PIAS2: variants seen among roughly 807,000 people sequenced by gnomAD.
PIAS2 encodes protein inhibitor of activated STAT 2, also known as E3 SUMO-protein ligase PIAS2.
Under a neutral mutation model 69.7 loss-of-function variants are expected in PIAS2, and 19 were observed. The ratio of observed to expected loss-of-function variants is 0.27; its 90% CI spans 0.19 to 0.40. The LOEUF is 0.40. Ranked by LOEUF, PIAS2 falls within the 10% of genes least tolerant of loss-of-function variation. The pLI is 1.00. For synonymous variants in PIAS2, 261 were observed against 263.2 expected (o/e 0.99, Z 0.08); for missense variants, 624 against 757.0 (o/e 0.82, Z 2.06).
chr18:46,900,510 A>G (rs1377963349), intron 1 of PIAS2, among the ~76,000 whole-genome samples: 1 of 151,962 alleles, frequency 6.6e-6, no homozygotes, highest in East Asian at 1.9e-4. Context: ...TCTACCAAAA[A>G]AAAAAAATTG....
chr18:46,910,328 TA>T (rs2057117869), intron 1 of PIAS2, among the ~76,000 whole-genome samples: 1 of 152,316 alleles, frequency 6.6e-6, no homozygotes, highest in Non-Finnish European at 1.5e-5. Flanking sequence ...AAAGTTACAC[TA>T]ATGAATTAGT....
chr18:46,902,278 C>T (rs1237127610), intron 1 of PIAS2, among the ~76,000 whole-genome samples: 3 of 151,636 alleles, frequency 2.0e-5, no homozygotes, highest in African/African-American at 7.3e-5. Context: ...ATCTAAAGGC[C>T]GGGCACGATG....
upstream of PIAS2, among the ~76,000 whole-genome samples, chr18:46,919,806 A>G (rs1418548092): frequency 6.6e-6 from 1 of 152,184 alleles, no homozygotes; most frequent in African/African-American, 2.4e-5. Context: ...CTGTCTCTCC[A>G]CCATTAACTT....
At chr18:46,897,756 G>A (rs1294146457) in intron 1 of PIAS2, among the ~76,000 whole-genome samples, 1 of 152,108 alleles carries the variant, frequency 6.6e-6, no homozygotes, top group East Asian at 1.9e-4. Flanking sequence ...GAAAGCAATA[G>A]CTAATATACT....
Position 46,810,819 on chromosome 18 carries a change from T to C in PIAS2, c.*1614A>G, listed in dbSNP as rs2040950765. The C allele has an allele frequency of 1.3e-5, 2 of 151,586 alleles. 1 individual carries two copies. The highest frequency in any genetic ancestry group is 4.2e-4 in the South Asian group (2 of 4,800). 9.4% of individuals were successfully genotyped at this position (151,586 alleles called of 1,614,324 possible). On this transcript the variant is annotated 3_prime_UTR_variant, in exon 14 of 14. Transcript: ENST00000585916. ...ACTCTTAAGTAGGATGTCCCTATTC[T>C]AACGGAAATTGATGAGTCCACACCT...
chr18:46,891,107 A>AT (rs1246810730), intron 1 of PIAS2, 53 bp from the exon 2 acceptor site: 2 of 1,258,180 alleles, frequency 1.6e-6, no homozygotes, highest in Non-Finnish European at 2.2e-6. Flanking sequence ...GCATACAAAA[A>AT]TCCTATCTAA....
At chr18:46,849,910 A>C (rs1023347389) in intron 5 of PIAS2, among the ~76,000 whole-genome samples, 4 of 152,090 alleles carry the variant, frequency 2.6e-5, no homozygotes, top group Non-Finnish European at 5.9e-5. Context: ...TTTAAACTCA[A>C]ATTCTAGACA....
intron 5 of PIAS2, chr18:46,853,035 G>A (rs773504428): frequency 6.6e-6 from 1 of 152,368 alleles, no homozygotes; most frequent in Non-Finnish European, 1.5e-5. Context: ...CCAACACCTT[G>A]GGAGGCCAAC....
chr18:46,892,221 C>G (rs1169831916), intron 1 of PIAS2, among the ~76,000 whole-genome samples: 1 of 152,212 alleles, frequency 6.6e-6, no homozygotes, highest in Middle Eastern at 3.4e-3. Context: ...GTTTAAAACC[C>G]TATATGGTTT....
At chr18:46,909,240 T>C (rs1435873206) in intron 1 of PIAS2, among the ~76,000 whole-genome samples, 2 of 151,974 alleles carry the variant, frequency 1.3e-5, no homozygotes, top group Admixed American at 6.6e-5. Flanking sequence ...AACTAAAAGG[T>C]GGTATTTTAT....
At chr18:46,897,565 T>C (rs1421047077) in intron 1 of PIAS2, among the ~76,000 whole-genome samples, 1 of 152,226 alleles carries the variant, frequency 6.6e-6, no homozygotes, top group Admixed American at 6.5e-5. Flanking sequence ...GAAAAATTCA[T>C]CATTATTCTG....
At chr18:46,850,834 T>C (rs1011001805) in intron 5 of PIAS2, among the ~76,000 whole-genome samples, 14 of 152,214 alleles carry the variant, frequency 9.2e-5, no homozygotes, top group African/African-American at 3.4e-4. Flanking sequence ...CCGAAATGTT[T>C]CCATAAAGAG....
chr18:46,835,583 T>G (rs2044308962), intron 9 of PIAS2, among the ~76,000 whole-genome samples: 2 of 152,198 alleles, frequency 1.3e-5, no homozygotes, highest in African/African-American at 4.8e-5. Flanking sequence ...TGTACCACAG[T>G]GCCTGGCTTA....
intron 10 of PIAS2, among the ~76,000 whole-genome samples, chr18:46,828,343 C>G (rs1344660990): frequency 1.3e-5 from 2 of 152,120 alleles, no homozygotes; most frequent in Non-Finnish European, 2.9e-5. Context: ...GAGCACTATT[C>G]CTTGACAGAT....
chr18:46,902,207 G>A lies in PIAS2; in HGVS notation c.25-11153C>T, dbSNP rs182297240. ...ACATATGTAAAAATGTAACAAACAC[G>A]TACAGGACTTATATGCTGAAAGCTA... On this transcript the variant is annotated intron_variant, in intron 1 of 13. Coordinates refer to ENST00000585916, the MANE Select transcript of PIAS2 (RefSeq NM_004671.5). 4.3e-3 allele frequency among the ~76,000 whole-genome samples: 637 copies of A among 149,282 alleles called. 2 individuals carry two copies. Among genetic ancestry groups the A allele is most frequent in the African/African-American group, 0.015 (599 of 40,446 alleles).
intron 2 of PIAS2, among the ~76,000 whole-genome samples, chr18:46,880,750 T>C (rs1235498942): frequency 6.6e-6 from 1 of 152,108 alleles, no homozygotes; most frequent in Admixed American, 6.5e-5. Context: ...ATAAAGTCAA[T>C]ACAGGCTCTC....
intron 2 of PIAS2, among the ~76,000 whole-genome samples, chr18:46,883,400 T>C (rs1470492391): frequency 1.3e-5 from 2 of 152,050 alleles, no homozygotes; most frequent in African/African-American, 4.8e-5. Flanking sequence ...GAAGAATACA[T>C]ATAAGAATAT....
intron 7 of PIAS2, 42 bp downstream of exon 7, chr18:46,844,688 CTTTT>C (rs377729779): frequency 1.2e-5 from 7 of 580,314 alleles, no homozygotes; most frequent in African/African-American, 2.1e-5. Flanking sequence ...TATGCTCAAT[CTTTT>C]TTTTTTTTTT....
intron 8 of PIAS2, among the ~76,000 whole-genome samples, chr18:46,839,352 G>T (rs1378832644): frequency 6.6e-6 from 1 of 152,088 alleles, no homozygotes; most frequent in Non-Finnish European, 1.5e-5. Flanking sequence ...ATTATATAGA[G>T]AATTAAATCT....
Sources: gnomAD v4.1 joint callset for allele counts (sites outside exome capture counted in the v4.1 genomes callset) on GRCh38, gnomAD v4.1.1 for gene constraint, MANE v1.5 for transcripts, NCBI Gene and HGNC (gene_info 2026-07-23, HGNC 2026-07-21) for gene names.